Variants in ADGRL4 observed in about 807,000 individuals in gnomAD.
The protein encoded by ADGRL4 is EGF, latrophilin and seven transmembrane domain containing 1.
A neutral mutation model predicts 74.8 loss-of-function variants in ADGRL4; 90 were observed. The observed-to-expected ratio is 1.20, with a 90% CI of 1.02 to 1.43. The LOEUF (loss-of-function observed/expected upper bound fraction) is 1.43, where lower values mean the gene tolerates loss of function less well. Among genes scored for constraint, ADGRL4 ranks in the 40% most tolerant of loss-of-function variants. The pLI, the probability that ADGRL4 is intolerant of heterozygous loss-of-function variation, is 0.00. For synonymous variants in ADGRL4, 311 were observed against 279.2 expected (o/e 1.11, Z -1.14); for missense variants, 881 against 814.3 (o/e 1.08, Z -1.00).
At chr1:78,971,510 C>A (rs1650165466) in intron 2 of ADGRL4, among the ~76,000 whole-genome samples, 1 of 152,022 alleles carries the variant, frequency 6.6e-6, no homozygotes, top group African/African-American at 2.4e-5. Context: ...GGGTATGGTA[C>A]CTGGGATTCA....
At chr1:78,938,942 TCCAA>T (rs1273452532) in intron 4 of ADGRL4, among the ~76,000 whole-genome samples, 1 of 152,034 alleles carries the variant, frequency 6.6e-6, no homozygotes, top group African/African-American at 2.4e-5. Flanking sequence ...AAAAGAATTT[TCCAA>T]CATATGGAGT....
chr1:79,003,386 GT>G lies in ADGRL4; in HGVS notation c.172+1683del, dbSNP rs35968494. Among the ~76,000 whole-genome samples, 934 of 147,078 alleles carry G rather than the reference GT, an allele frequency of 6.4e-3. 9 individuals are homozygous for G. The highest frequency in any genetic ancestry group is 0.022 in the African/African-American group (873 of 40,370). On this transcript the variant is annotated intron_variant, in intron 2 of 14. Transcript: ENST00000370742. ...AAACATCAAAACAAGTGTATATGGA[GT>G]TTTTTTTTTTAAACAGAAAGGGAAT...
chr1:78,919,322 G>A (rs1328807287), intron 10 of ADGRL4, among the ~76,000 whole-genome samples: 2 of 151,946 alleles, frequency 1.3e-5, no homozygotes, highest in African/African-American at 4.8e-5. Flanking sequence ...ATCCACTGCT[G>A]TTCCCACTTC....
At chr1:78,949,749 A>C (rs965119527) in intron 2 of ADGRL4, among the ~76,000 whole-genome samples, 1 of 152,196 alleles carries the variant, frequency 6.6e-6, no homozygotes, top group Non-Finnish European at 1.5e-5. Context: ...CAGTTATACT[A>C]CCTAATCCCT....
At position 78,945,702 on chromosome 1, in the gene ADGRL4, T is replaced by G. The variant is rs1365494155; in HGVS notation, c.325+572A>C. On this transcript the variant is annotated intron_variant, in intron 3 of 14. Transcript: ENST00000370742. The stretch of plus-strand genomic sequence containing the variant: ...TCACTTAAAAATTACATTGAAATTA[T>G]TTTCCCTACAAAGGACATTTTAGTG... 2.6e-5 allele frequency among the ~76,000 whole-genome samples: 4 copies of G among 152,132 alleles called. No homozygotes were observed. In the East Asian group the frequency reaches 7.7e-4, roughly 29 times the overall value.
At chr1:78,991,773 T>C (rs1161717714) in intron 2 of ADGRL4, among the ~76,000 whole-genome samples, 2 of 151,972 alleles carry the variant, frequency 1.3e-5, no homozygotes, top group South Asian at 2.1e-4. Flanking sequence ...TAGAAGGAGA[T>C]TATTTCTGCT....
At chr1:78,994,330 C>T (rs1177264852) in intron 2 of ADGRL4, among the ~76,000 whole-genome samples, 2 of 152,156 alleles carry the variant, frequency 1.3e-5, no homozygotes, top group Non-Finnish European at 2.9e-5. Flanking sequence ...ATATAACATT[C>T]AATCAGATCT....
At chr1:78,915,151 C>G (rs1438064608) in intron 12 of ADGRL4, among the ~76,000 whole-genome samples, 1 of 151,872 alleles carries the variant, frequency 6.6e-6, no homozygotes, top group Admixed American at 6.6e-5. Flanking sequence ...TTGAGTTTCA[C>G]CCTATCATTT....
chr1:78,930,241 A>G (rs1015332908), intron 7 of ADGRL4, among the ~76,000 whole-genome samples: 3 of 150,992 alleles, frequency 2.0e-5, no homozygotes, highest in Non-Finnish European at 1.5e-5. Context: ...ACCTAGAGAA[A>G]ATAGGAAATA....
intron 12 of ADGRL4, among the ~76,000 whole-genome samples, chr1:78,900,868 A>G (rs985527774): frequency 2.0e-5 from 3 of 152,150 alleles, no homozygotes; most frequent in Non-Finnish European, 2.9e-5. Flanking sequence ...GTGTATATGT[A>G]TATAATGAAA....
At chr1:78,932,004 A>G (rs914293460) in intron 7 of ADGRL4, among the ~76,000 whole-genome samples, 2 of 151,454 alleles carry the variant, frequency 1.3e-5, no homozygotes, top group African/African-American at 2.5e-5. Flanking sequence ...CCCACTGTCC[A>G]TATTAGACAG....
chr1:78,919,708 C>T (rs758069140), intron 10 of ADGRL4, among the ~76,000 whole-genome samples: 28 of 151,830 alleles, frequency 1.8e-4, no homozygotes, highest in Non-Finnish European at 3.8e-4. Flanking sequence ...CAATATGAAA[C>T]CTTTTGGGAA....
chr1:78,985,773 C>A (rs1399633869), intron 2 of ADGRL4, among the ~76,000 whole-genome samples: 2 of 151,744 alleles, frequency 1.3e-5, no homozygotes, highest in African/African-American at 4.8e-5. Context: ...TGGAATTAAC[C>A]TAAATGCTCA....
intron 12 of ADGRL4, among the ~76,000 whole-genome samples, chr1:78,900,790 C>T (rs1037749604): frequency 6.6e-6 from 1 of 152,116 alleles, no homozygotes; most frequent in Non-Finnish European, 1.5e-5. Flanking sequence ...AATTAAACCT[C>T]TTCTCTTCAT....
chr1:78,942,883 C>T (rs1040786754), intron 3 of ADGRL4, among the ~76,000 whole-genome samples: 2 of 151,862 alleles, frequency 1.3e-5, no homozygotes, highest in African/African-American at 4.8e-5. Flanking sequence ...TGAGCCATAA[C>T]TGCACCACTG....
At position 78,914,752 on chromosome 1, in the gene ADGRL4, G is replaced by GT. The variant is rs79071496; in HGVS notation, c.1749+2881dup. ...TTTTTCCTTTCCAGATACTTGAAGC[G>GT]TATGTGTTTGAGTAGGGGCAGAGTG... On this transcript the variant is annotated intron_variant, in intron 12 of 14. Coordinates refer to ENST00000370742, the MANE Select transcript of ADGRL4 (RefSeq NM_022159.4). 2.6e-5 allele frequency among the ~76,000 whole-genome samples: 4 copies of GT among 151,686 alleles called. No individual in the cohort carries two copies. In the East Asian group the frequency reaches 7.8e-4, roughly 30 times the overall value.
intron 1 of ADGRL4, among the ~76,000 whole-genome samples, chr1:79,006,423 A>G (rs1650963478): frequency 6.6e-6 from 1 of 152,220 alleles, no homozygotes; most frequent in South Asian, 2.1e-4. Flanking sequence ...CAAGAGGAAT[A>G]AAAAGGTAAC....
At chr1:78,978,500 A>G (rs1357758011) in intron 2 of ADGRL4, among the ~76,000 whole-genome samples, 1 of 151,908 alleles carries the variant, frequency 6.6e-6, no homozygotes, top group Non-Finnish European at 1.5e-5. Context: ...TTCTCGTCCA[A>G]TTCCTCAGGC....
intron 2 of ADGRL4, among the ~76,000 whole-genome samples, chr1:78,952,117 A>G (rs1649742073): frequency 6.6e-6 from 1 of 151,422 alleles, no homozygotes; most frequent in Non-Finnish European, 1.5e-5. Context: ...TCTTTTTTTT[A>G]TCACTTGAGA....
Sources: gnomAD v4.1 joint callset for allele counts (sites outside exome capture counted in the v4.1 genomes callset) on GRCh38, gnomAD v4.1.1 for gene constraint, MANE v1.5 for transcripts, NCBI Gene and HGNC (gene_info 2026-07-23, HGNC 2026-07-21) for gene names.